Variants in HCN4 observed in about 807,000 individuals in gnomAD.
HCN4 encodes the protein potassium/sodium hyperpolarization-activated cyclic nucleotide-gated channel 4.
HCN4 carries 29 observed loss-of-function variants against 76.9 expected under a neutral mutation model. The observed-to-expected ratio is 0.38, with a 90% CI of 0.28 to 0.51. The LOEUF (loss-of-function observed/expected upper bound fraction) is 0.51, where lower values mean the gene tolerates loss of function less well. Ranked by LOEUF, HCN4 falls within the 20% of genes least tolerant of loss-of-function variation. The pLI, the probability that HCN4 is intolerant of heterozygous loss-of-function variation, is 0.90. For synonymous variants in HCN4, 772 were observed against 762.5 expected, an observed-to-expected ratio of 1.01 and a Z score of -0.21; for missense variants, 1,416 against 1,715.2, an observed-to-expected ratio of 0.83 and a Z score of 3.08.
At chr15:73,365,654 C>T (rs1297197724) in intron 1 of HCN4, among the ~76,000 whole-genome samples, 3 of 152,214 alleles carry the variant, frequency 2.0e-5, no homozygotes, top group Non-Finnish European at 4.4e-5. Flanking sequence ...ATAGGAAGGG[C>T]CAGGCCCAGC....
intron 2 of HCN4, among the ~76,000 whole-genome samples, chr15:73,341,517 T>C (rs1355657692): frequency 6.6e-6 from 1 of 152,168 alleles, no homozygotes; most frequent in Non-Finnish European, 1.5e-5. Flanking sequence ...GTACAACTTA[T>C]ACCTATTTTG....
chr15:73,323,570 C>T lies in HCN4; in HGVS notation c.2523G>A (p.Ser841=), dbSNP rs768157473. 2.3e-5 allele frequency: 37 copies of T among 1,600,480 alleles called. No homozygotes were observed. Among genetic ancestry groups the T allele is most frequent in the East Asian group, 1.6e-4 (7 of 44,872 alleles). The change falls in exon 8 of 8, where the codon TCG becomes TCA. Residue 841 remains serine, a synonymous_variant. Coordinates refer to ENST00000261917, the MANE Select transcript of HCN4 (RefSeq NM_005477.3). ...CCACCTGGGACGGGCTGCTGGCGGGCGAGGCGGAGCCCAGCGCAGAAGGGA... is the reference window on the plus strand; with the variant it reads ...CCACCTGGGACGGGCTGCTGGCGGGTGAGGCGGAGCCCAGCGCAGAAGGGA... ...SLIPSALGSA[S]PASSPSQVDT...
chr15:73,337,030 G>A (rs753711194), intron 2 of HCN4, among the ~76,000 whole-genome samples: 3 of 152,198 alleles, frequency 2.0e-5, no homozygotes, highest in East Asian at 1.9e-4. Context: ...AGGCCAGTTC[G>A]TGCTTGCCCC....
Position 73,368,943 on chromosome 15 carries a change from T to A in HCN4, c.-673A>T, listed in dbSNP as rs2043144607. 1 of 152,140 alleles carries A rather than the reference T, an allele frequency of 6.6e-6. No homozygotes were observed. Among genetic ancestry groups the A allele is most frequent in the Non-Finnish European group, 1.5e-5 (1 of 68,000 alleles). The allele number at this position is 152,140 out of a possible 1,614,324, so 9.4% of individuals were successfully genotyped here. A position where few individuals can be genotyped will look rare whatever the true frequency, so the allele number is the denominator to read the frequency against. On this transcript the variant is annotated 5_prime_UTR_variant, in exon 1 of 8. The change abolishes an upstream ATG in the 5' untranslated region. Transcript: ENST00000261917. The surrounding 1 kb of genome is among the most constrained non-coding windows in gnomAD (Gnocchi z 6.9). ...AGCCGCCGCAGCTCGCGGGTTGCCA[T>A]AGGAGCGGCTCCAGCAGCCGGGCCT...
chr15:73,341,285 C>A (rs1345396477), intron 2 of HCN4, among the ~76,000 whole-genome samples: 1 of 151,816 alleles, frequency 6.6e-6, no homozygotes, highest in Non-Finnish European at 1.5e-5. Flanking sequence ...GGATTACAGG[C>A]GCCCACCACC....
Position 73,323,873 on chromosome 15 carries a change from C to T in HCN4, c.2220G>A (p.Glu740=). 6.2e-7 allele frequency: 1 copy of T among 1,604,398 alleles called. No individual in the cohort carries two copies. Among genetic ancestry groups the T allele is most frequent in the Non-Finnish European group, 8.5e-7 (1 of 1,179,956 alleles). The change falls in exon 8 of 8, where the codon GAG becomes GAA. Residue 740 remains glutamate (E), a synonymous_variant. Transcript: ENST00000261917. ...NSGVFNYQEN[E]IIQQIVQHDR... ...CATGCTGCACAATCTGCTGGATGAT[C>T]TCATTCTCCTGGTAGTTGAAGACGC...
rs1208406016 is a variant in HCN4 at position 73,322,419 on chromosome 15, TA to T, written c.*61del. ...TATTGGTATATCTCCTAATCACAGT[TA>T]AACCTGAAGGAAGAAGGAAGGGAGA... On this transcript the variant is annotated 3_prime_UTR_variant, in exon 8 of 8. Transcript: ENST00000261917. 3.7e-6 allele frequency: 5 copies of T among 1,340,452 alleles called. No homozygotes were observed. The Admixed American group carries it at 9.8e-5, about 26-fold the overall frequency. The allele number at this position is 1,340,452 out of a possible 1,614,324, so 83.0% of individuals were successfully genotyped here.
intron 7 of HCN4, 32 bp from the exon 8 acceptor site, chr15:73,323,981 G>C (rs765614147): frequency 1.9e-6 from 3 of 1,609,266 alleles, no homozygotes; most frequent in Non-Finnish European, 2.5e-6. Context: ...GGCACTCAGG[G>C]CAGAGCGGGG....
intron 4 of HCN4, among the ~76,000 whole-genome samples, chr15:73,326,547 G>A (rs1358170925): frequency 1.3e-5 from 2 of 152,144 alleles, no homozygotes; most frequent in East Asian, 3.9e-4. Flanking sequence ...TAGGGGTAGG[G>A]AGGCAGGGTC....
chr15:73,349,418 A>G (rs2043043120), intron 1 of HCN4, among the ~76,000 whole-genome samples: 1 of 152,166 alleles, frequency 6.6e-6, no homozygotes, highest in African/African-American at 2.4e-5. Flanking sequence ...ACTGAGGTAC[A>G]AGGAGTTGAG....
chr15:73,334,613 G>A (rs1378612096), intron 2 of HCN4, among the ~76,000 whole-genome samples: 1 of 151,920 alleles, frequency 6.6e-6, no homozygotes, highest in Non-Finnish European at 1.5e-5. Context: ...GGGGTTTGGG[G>A]AGGGCGAGTG....
rs570602326 is a variant in HCN4 at position 73,335,966 on chromosome 15, A to G, written c.1210-3674T>C. On this transcript the variant is annotated intron_variant, in intron 2 of 7. Coordinates refer to ENST00000261917, the MANE Select transcript of HCN4 (RefSeq NM_005477.3). ...GAAAGCCCCCCTCCCTATGGGGGTC[A>G]GGGAGGAAAGTCTTGCCCTTGCTTG... Among the ~76,000 whole-genome samples, 11 of 152,272 alleles carry G rather than the reference A, an allele frequency of 7.2e-5. No homozygotes were observed. In the East Asian group the frequency reaches 1.5e-3, roughly 21 times the overall value.
intron 1 of HCN4, among the ~76,000 whole-genome samples, chr15:73,363,601 A>G (rs1460542205): frequency 6.6e-6 from 1 of 152,196 alleles, no homozygotes; most frequent in African/African-American, 2.4e-5. Context: ...GCCACACTCT[A>G]TGTGTCTGGA....
Position 73,322,799 on chromosome 15 carries a change from C to T in HCN4, c.3294G>A (p.Ala1098=), listed in dbSNP as rs766077921. 1.4e-5 allele frequency: 21 copies of T among 1,540,926 alleles called. No homozygotes were observed. Among genetic ancestry groups the T allele is most frequent in the Middle Eastern group, 1.7e-4 (1 of 5,802 alleles). ...GCGGGGAGGCTCTGCGGAGAGTCTG[C>T]GCCCCGTCCTGAGGCAGGGCTGGCT... is the stretch of plus-strand genomic sequence containing the variant. ...ASQPALPQDG[A]QTLRRASPHS... is the part of the protein sequence containing the mutation. Residue 1098 remains alanine, a synonymous_variant, in exon 8 of 8, where the codon GCG becomes GCA. Transcript: ENST00000261917.
At position 73,323,364 on chromosome 15, in the gene HCN4, A is replaced by C; in HGVS notation, c.2729T>G (p.Phe910Cys). The C allele has an allele frequency of 1.3e-6, 2 of 1,579,120 alleles. No homozygotes were observed. The highest frequency in any genetic ancestry group is 1.7e-6 in the Non-Finnish European group (2 of 1,162,724). ...CAGGGAGCCACCCAGCGCCTTGTGG[A>C]AGTGGCCAAACCCGGCTATGGTGGT... is the stretch of plus-strand genomic sequence containing the variant. Reference protein sequence around the residue: ...AATTIAGFGHFHKALGGSLSS... With the variant: ...AATTIAGFGHCHKALGGSLSS... Residue 910 changes from phenylalanine (F) to cysteine (C), a missense_variant, in exon 8 of 8, where the codon TTC becomes TGC. Physicochemically the swap from Phe to Cys is radical, Grantham distance 205 (BLOSUM62 -2). Transcript: ENST00000261917.
rs1351561683 is a variant in HCN4 at position 73,323,775 on chromosome 15, A to C, written c.2318T>G (p.Ile773Ser). Residue 773 changes from isoleucine to serine, a missense_variant, in exon 8 of 8, where the codon ATC (isoleucine) becomes AGC (serine). Physicochemically the swap from Ile to Ser is moderately radical, Grantham distance 142 (BLOSUM62 -2). Coordinates refer to ENST00000261917, the MANE Select transcript of HCN4 (RefSeq NM_005477.3). ...TGGTGCCTGGATCAGCGGGGTCCAG[A>C]TGACGGGCGTGGGGGTTGGGGTGGC... is the stretch of plus-strand genomic sequence containing the variant. Reference protein sequence around the residue: ...ASATPTPTPVIWTPLIQAPLQ... With the variant: ...ASATPTPTPVSWTPLIQAPLQ... The C allele has an allele frequency of 6.2e-7, 1 of 1,608,282 alleles. No homozygotes were observed.
rs201116986 is a variant in HCN4 at position 73,367,454 on chromosome 15, G to A, written c.785+32C>T. On this transcript the variant is annotated intron_variant, in intron 1 of 7. Coordinates refer to ENST00000261917, the MANE Select transcript of HCN4 (RefSeq NM_005477.3). The surrounding 1 kb of genome is among the most constrained non-coding windows in gnomAD (Gnocchi z 7.5). ...GGAGGCATGCCTGCCACCGCGCAGG[G>A]CACCCACAGGATCATCGCTGTGGCC... 5.8e-4 allele frequency: 941 copies of A among 1,611,928 alleles called. 8 individuals carry two copies. The highest frequency in any genetic ancestry group is 5.2e-3 in the Middle Eastern group (25 of 4,848).
rs1162918845 is a variant in HCN4 at position 73,320,168 on chromosome 15, G to C, written c.*2313C>G. 6.6e-6 allele frequency: 1 copy of C among 152,466 alleles called. No individual in the cohort carries two copies. The highest frequency in any genetic ancestry group is 2.4e-5 in the African/African-American group (1 of 41,430). 9.4% of individuals were successfully genotyped at this position (152,466 alleles called of 1,614,324 possible). ...AGACTGTGGGTTTGGATCAAGTCCT[G>C]CTGCCTCTCAGAGCTGCCTTCCTTA... On this transcript the variant is annotated 3_prime_UTR_variant, in exon 8 of 8. Coordinates refer to ENST00000261917, the MANE Select transcript of HCN4 (RefSeq NM_005477.3).
rs1403156193 is a variant in HCN4, at chr15:73,320,545, G to A, written c.*1936C>T. 1 of 152,236 alleles carries A rather than the reference G, an allele frequency of 6.6e-6. No homozygotes were observed. The highest frequency in any genetic ancestry group is 1.9e-4 in the East Asian group (1 of 5,186). 9.4% of individuals were successfully genotyped at this position (152,236 alleles called of 1,614,324 possible). ...GCCCTATAGGCAGGGGCAGACCCCT[G>A]ACCTTGGCTCTGGCAAGATCCCATC... On this transcript the variant is annotated 3_prime_UTR_variant, in exon 8 of 8. Transcript: ENST00000261917.
Sources: gnomAD v4.1 joint callset for allele counts (sites outside exome capture counted in the v4.1 genomes callset) on GRCh38, gnomAD v4.1.1 for gene constraint, Gnocchi (gnomAD v3.1) non-coding constraint, MANE v1.5 for transcripts, NCBI Gene and HGNC (gene_info 2026-07-23, HGNC 2026-07-21) for gene names.